XKR6: variants seen among roughly 807,000 people sequenced by gnomAD.
XKR6 encodes the protein XK related 6, also known as XK-related protein 6.
A neutral mutation model predicts 56.7 loss-of-function variants in XKR6; 22 were observed. The ratio of observed to expected loss-of-function variants is 0.39; its 90% CI spans 0.28 to 0.55. XKR6 has a LOEUF of 0.55. XKR6 is among the 20% of genes least tolerant of loss of function. The pLI, the probability that XKR6 is intolerant of heterozygous loss-of-function variation, is 0.66. For synonymous variants in XKR6, 524 were observed against 387.8 expected, an observed-to-expected ratio of 1.35 and a Z score of -4.13; for missense variants, 852 against 889.0, an observed-to-expected ratio of 0.96 and a Z score of 0.53.
intron 1 of XKR6, among the ~76,000 whole-genome samples, chr8:11,101,738 T>C (rs757466480): frequency 6.6e-6 from 1 of 152,218 alleles, no homozygotes; most frequent in East Asian, 1.9e-4. Context: ...CCCTCCGTGA[T>C]CTGCATTCTA....
At chr8:11,105,314 G>A (rs1205604260) in intron 1 of XKR6, 1 of 152,168 alleles carries the variant, frequency 6.6e-6, no homozygotes, top group African/African-American at 2.4e-5. Flanking sequence ...GGACATGAAG[G>A]TTTAAGGAAC....
chr8:11,165,771 C>T (rs1218184478), intron 1 of XKR6, among the ~76,000 whole-genome samples: 2 of 152,050 alleles, frequency 1.3e-5, no homozygotes, highest in Admixed American at 6.5e-5. Context: ...ATCAAAGAGC[C>T]TGAAATTCTT....
At chr8:10,928,726 G>T (rs552818126) in intron 1 of XKR6, among the ~76,000 whole-genome samples, 124 of 152,232 alleles carry the variant, frequency 8.1e-4, no homozygotes, top group Non-Finnish European at 2.5e-4. Flanking sequence ...TGCGCTCCGA[G>T]GGGGGAACCA....
At chr8:11,062,720 C>CTT in intron 1 of XKR6, 1 of 455,872 alleles carries the variant, frequency 2.2e-6, no homozygotes, top group South Asian at 1.6e-5. Flanking sequence ...GGAACAAACT[C>CTT]TTTTTTTAAA....
At chr8:11,111,406 T>C (rs1480366167) in intron 1 of XKR6, among the ~76,000 whole-genome samples, 2 of 152,172 alleles carry the variant, frequency 1.3e-5, no homozygotes, top group Admixed American at 1.3e-4. Flanking sequence ...TATATTTGGA[T>C]ATAATTTGGG....
At chr8:11,020,594 T>C (rs886992649) in intron 1 of XKR6, among the ~76,000 whole-genome samples, 2 of 152,180 alleles carry the variant, frequency 1.3e-5, no homozygotes, top group African/African-American at 4.8e-5. Flanking sequence ...CTTTGGGTGC[T>C]TCCAAGAAGG....
intron 1 of XKR6, among the ~76,000 whole-genome samples, chr8:11,092,294 T>C (rs576360796): frequency 6.6e-6 from 1 of 152,360 alleles, no homozygotes; most frequent in East Asian, 1.9e-4. Flanking sequence ...CACGCACTTA[T>C]GAATGTAGAA....
At chr8:11,046,478 A>G (rs1001735940) in intron 1 of XKR6, among the ~76,000 whole-genome samples, 10 of 152,234 alleles carry the variant, frequency 6.6e-5, no homozygotes, top group African/African-American at 2.2e-4. Context: ...TACCCTTTAT[A>G]TGAACATTAT....
At chr8:11,125,637 G>C (rs1268442612) in intron 1 of XKR6, 1 of 152,146 alleles carries the variant, frequency 6.6e-6, no homozygotes, top group Non-Finnish European at 1.5e-5. Context: ...GAAGGACAGA[G>C]AGGACTTTTC....
chr8:11,182,115 A>G (rs1803018447), intron 1 of XKR6, among the ~76,000 whole-genome samples: 1 of 152,190 alleles, frequency 6.6e-6, no homozygotes, highest in African/African-American at 2.4e-5. Context: ...AACACTATTT[A>G]CAGTATAGGG....
intron 1 of XKR6, among the ~76,000 whole-genome samples, chr8:11,046,526 T>A (rs983916435): frequency 6.6e-6 from 1 of 152,132 alleles, no homozygotes; most frequent in African/African-American, 2.4e-5. Context: ...AGCCAAAAGG[T>A]AGAAGTAACT....
At chr8:11,102,383 T>C (rs1463566309) in intron 1 of XKR6, among the ~76,000 whole-genome samples, 1 of 152,178 alleles carries the variant, frequency 6.6e-6, no homozygotes, top group Non-Finnish European at 1.5e-5. Flanking sequence ...GTAAGCATCA[T>C]CAATGTGCAA....
chr8:11,198,837 T>C (rs900144908), intron 1 of XKR6, among the ~76,000 whole-genome samples: 1 of 151,874 alleles, frequency 6.6e-6, no homozygotes, highest in Non-Finnish European at 1.5e-5. Flanking sequence ...TATGTTAAAA[T>C]CTCTCTTCCC....
At chr8:11,137,235 G>A (rs1374740218) in intron 1 of XKR6, 1 of 242,718 alleles carries the variant, frequency 4.1e-6, no homozygotes, top group African/African-American at 2.3e-5. Context: ...TATGTGGTGA[G>A]GAAAGCGGGA....
At chr8:11,042,977 G>A (rs183628492) in intron 1 of XKR6, among the ~76,000 whole-genome samples, 159 of 152,154 alleles carry the variant, frequency 1.0e-3, no homozygotes, top group African/African-American at 3.0e-3. Flanking sequence ...CCAGCCCCAC[G>A]AGCCCAGGGC....
chr8:10,964,221 G>C (rs954061221), intron 1 of XKR6, among the ~76,000 whole-genome samples: 2 of 152,196 alleles, frequency 1.3e-5, no homozygotes, highest in African/African-American at 4.8e-5. Flanking sequence ...TGATTGGACT[G>C]TGGTTGTGGG....
chr8:11,040,087 G>T (rs1278043479), intron 1 of XKR6, among the ~76,000 whole-genome samples: 1 of 152,100 alleles, frequency 6.6e-6, no homozygotes, highest in Non-Finnish European at 1.5e-5. Flanking sequence ...CGGAGGCCCA[G>T]GCAGTTCCTT....
At chr8:10,941,529 C>G (rs1254587889) in intron 1 of XKR6, among the ~76,000 whole-genome samples, 1 of 152,216 alleles carries the variant, frequency 6.6e-6, no homozygotes, top group East Asian at 1.9e-4. Flanking sequence ...CCTGCAGGAC[C>G]TTCAGCCCCG....
At chr8:10,994,183 G>C (rs996886480) in intron 1 of XKR6, among the ~76,000 whole-genome samples, 1 of 152,206 alleles carries the variant, frequency 6.6e-6, no homozygotes, top group Non-Finnish European at 1.5e-5. Flanking sequence ...CTGCCAGGGG[G>C]CTCCTAAGAA....
Sources: gnomAD v4.1 joint callset for allele counts (sites outside exome capture counted in the v4.1 genomes callset) on GRCh38, gnomAD v4.1.1 for gene constraint, MANE v1.5 for transcripts, NCBI Gene and HGNC (gene_info 2026-07-23, HGNC 2026-07-21) for gene names.